The following CDH13 variants were observed in gnomAD, a reference collection of about 807,000 sequenced individuals.
The protein encoded by CDH13 is cadherin 13, also known as cadherin-13.
Under a neutral mutation model 63.8 loss-of-function variants are expected in CDH13, and 24 were observed. The observed-to-expected ratio is 0.38, with a 90% CI of 0.27 to 0.53. The LOEUF (loss-of-function observed/expected upper bound fraction) is 0.53, where lower values mean the gene tolerates loss of function less well. Ranked by LOEUF, CDH13 falls within the 20% of genes least tolerant of loss-of-function variation. The probability of loss-of-function intolerance (pLI) is 0.85; values close to 1 mark genes in which losing one functional copy is unlikely to be tolerated. For synonymous variants in CDH13, 503 were observed against 355.3 expected, an observed-to-expected ratio of 1.42 and a Z score of -4.67; for missense variants, 1,049 against 903.1, an observed-to-expected ratio of 1.16 and a Z score of -2.07.
chr16:82,858,556 G>T lies in CDH13; in HGVS notation c.157+83G>T, dbSNP rs147618297. ...GTTTATGACTGTGTCTCAGGATGTG[G>T]TATTTCCTAAACTAAGTGTTTTCTG... On this transcript the variant is annotated intron_variant, in intron 2 of 13. Coordinates refer to ENST00000567109, the MANE Select transcript of CDH13 (RefSeq NM_001257.5). The T allele has an allele frequency of 1.4e-4, 125 of 902,152 alleles. No individual in the cohort carries two copies. In the African/African-American group the frequency reaches 1.8e-3, roughly 13 times the overall value. The allele number at this position is 902,152 out of a possible 1,614,324, so 55.9% of individuals were successfully genotyped here.
intron 13 of CDH13, among the ~76,000 whole-genome samples, chr16:83,787,892 G>A (rs377488265): frequency 1.3e-5 from 2 of 151,676 alleles, no homozygotes; most frequent in Non-Finnish European, 2.9e-5. Context: ...GCAGTGAGCC[G>A]AGATCACACC....
intron 2 of CDH13, among the ~76,000 whole-genome samples, chr16:83,026,364 C>G (rs1238549619): frequency 3.3e-5 from 5 of 152,152 alleles, no homozygotes; most frequent in Admixed American, 2.0e-4. Flanking sequence ...GGACCACGAG[C>G]TAGTCAGTCA....
chr16:83,180,395 T>A (rs889910088), intron 4 of CDH13, among the ~76,000 whole-genome samples: 1 of 152,158 alleles, frequency 6.6e-6, no homozygotes, highest in South Asian at 2.1e-4. Flanking sequence ...CTAGGAACTA[T>A]CCTAATATGG....
intron 7 of CDH13, among the ~76,000 whole-genome samples, chr16:83,547,546 T>G (rs1382980335): frequency 1.3e-5 from 2 of 152,218 alleles, no homozygotes; most frequent in African/African-American, 4.8e-5. Context: ...AGCGAGTACA[T>G]GCAGTATTTG....
intron 3 of CDH13, among the ~76,000 whole-genome samples, chr16:83,091,154 A>G (rs921564551): frequency 2.6e-5 from 4 of 151,896 alleles, no homozygotes; most frequent in African/African-American, 9.7e-5. Context: ...TATTTTAGTG[A>G]TCTCCTTCTT....
At chr16:83,416,996 T>A (rs910847155) in intron 6 of CDH13, among the ~76,000 whole-genome samples, 1 of 152,338 alleles carries the variant, frequency 6.6e-6, no homozygotes, top group East Asian at 1.9e-4. Flanking sequence ...GTTTTTAAAA[T>A]CAGTAATATT....
intron 7 of CDH13, among the ~76,000 whole-genome samples, chr16:83,580,968 G>A (rs189532929): frequency 2.0e-5 from 3 of 152,288 alleles, no homozygotes; most frequent in East Asian, 1.9e-4. Context: ...ATTTGTGGGA[G>A]TTAATATTTA....
intron 3 of CDH13, among the ~76,000 whole-genome samples, chr16:83,117,935 C>A (rs1016259604): frequency 6.6e-6 from 1 of 152,164 alleles, no homozygotes; most frequent in Non-Finnish European, 1.5e-5. Context: ...AGGTTTTAAC[C>A]TCAAATGCCC....
At chr16:82,712,628 C>T (rs1230016311) in intron 1 of CDH13, among the ~76,000 whole-genome samples, 1 of 152,192 alleles carries the variant, frequency 6.6e-6, no homozygotes, top group Non-Finnish European at 1.5e-5. Context: ...GTTCCATAAT[C>T]CACACTTCAG....
intron 2 of CDH13, among the ~76,000 whole-genome samples, chr16:83,031,224 G>A (rs1166064050): frequency 6.8e-6 from 1 of 146,374 alleles, no homozygotes; most frequent in African/African-American, 2.5e-5. Context: ...ATATACATGC[G>A]CATGTATACA....
At chr16:82,773,640 A>G (rs181957862) in intron 1 of CDH13, among the ~76,000 whole-genome samples, 1 of 152,310 alleles carries the variant, frequency 6.6e-6, no homozygotes, top group African/African-American at 2.4e-5. Flanking sequence ...TCCTCTATGT[A>G]TGTACATTTG....
chr16:83,656,365 G>T (rs1047513750), intron 8 of CDH13, among the ~76,000 whole-genome samples: 1 of 152,146 alleles, frequency 6.6e-6, no homozygotes, highest in African/African-American at 2.4e-5. Context: ...AAAGGCCTCT[G>T]TTTCGATCAT....
chr16:83,671,985 AT>A (rs1163555987), intron 9 of CDH13, among the ~76,000 whole-genome samples: 3 of 152,306 alleles, frequency 2.0e-5, no homozygotes, highest in Middle Eastern at 3.4e-3. Flanking sequence ...CAGGACCTTC[AT>A]GGGAACACAT....
chr16:83,014,758 A>ATATATATG (rs1567745587), intron 2 of CDH13, among the ~76,000 whole-genome samples: 1 of 51,910 alleles, frequency 1.9e-5, no homozygotes, highest in African/African-American at 6.6e-5. Flanking sequence ...ATATATATAT[A>ATATATATG]TATATATATA....
intron 1 of CDH13, among the ~76,000 whole-genome samples, chr16:82,793,052 G>A (rs1438189316): frequency 6.6e-6 from 1 of 152,246 alleles, no homozygotes; most frequent in African/African-American, 2.4e-5. Context: ...CCCTGATGGA[G>A]TTATTCACAG....
intron 1 of CDH13, among the ~76,000 whole-genome samples, chr16:82,745,601 C>G (rs1313670122): frequency 4.6e-5 from 7 of 151,876 alleles, no homozygotes; most frequent in African/African-American, 1.7e-4. Context: ...GAGACTCTGT[C>G]TCAAAAAAAA....
At chr16:83,595,283 T>TG (rs1907147138) in intron 7 of CDH13, among the ~76,000 whole-genome samples, 1 of 152,218 alleles carries the variant, frequency 6.6e-6, no homozygotes, top group Non-Finnish European at 1.5e-5. Context: ...TGCTCAGACC[T>TG]TTGAGACATA....
intron 2 of CDH13, among the ~76,000 whole-genome samples, chr16:82,909,837 G>A (rs2041772431): frequency 6.6e-6 from 1 of 152,168 alleles, no homozygotes; most frequent in African/African-American, 2.4e-5. Context: ...CGCATATCAT[G>A]TATAGATGAG....
At chr16:83,462,098 C>A (rs967152272) in intron 6 of CDH13, among the ~76,000 whole-genome samples, 1 of 152,180 alleles carries the variant, frequency 6.6e-6, no homozygotes, top group African/African-American at 2.4e-5. Context: ...TAACAGGGGC[C>A]AAGAGGGAAA....
Sources: allele counts gnomAD v4.1 joint callset (sites outside exome capture counted in the v4.1 genomes callset), GRCh38; gene constraint gnomAD v4.1.1; transcripts MANE v1.5; gene names NCBI Gene and HGNC (gene_info 2026-07-23, HGNC 2026-07-21).